KCNIP4: variants seen among roughly 807,000 people sequenced by gnomAD.
KCNIP4 encodes the protein potassium voltage-gated channel interacting protein 4.
Under a neutral mutation model 34.0 loss-of-function variants are expected in KCNIP4, and 12 were observed. The ratio of observed to expected loss-of-function variants is 0.35; its 90% confidence interval spans 0.23 to 0.57. The LOEUF (loss-of-function observed/expected upper bound fraction) is 0.57. Among genes scored for constraint, KCNIP4 ranks in the 20% least tolerant of loss-of-function variants. KCNIP4 has a pLI of 0.83. For missense variants in KCNIP4, 238 were observed against 311.7 expected, an observed-to-expected ratio of 0.76 and a Z score of 1.78; for synonymous variants, 124 against 102.2, an observed-to-expected ratio of 1.21 and a Z score of -1.29.
chr4:21,088,934 A>T (rs1746722831), intron 1 of KCNIP4, among the ~76,000 whole-genome samples: 1 of 152,192 alleles, frequency 6.6e-6, no homozygotes, highest in African/African-American at 2.4e-5. Context: ...TACCCCAATC[A>T]GTGCCTAGAA....
intron 1 of KCNIP4, among the ~76,000 whole-genome samples, chr4:21,128,662 G>A (rs922438735): frequency 2.6e-5 from 4 of 152,178 alleles, no homozygotes; most frequent in African/African-American, 9.7e-5. Context: ...AGAATACAGA[G>A]CTATTTGTAC....
chr4:20,942,796 T>A (rs1465619595), intron 1 of KCNIP4, among the ~76,000 whole-genome samples: 1 of 151,998 alleles, frequency 6.6e-6, no homozygotes, highest in African/African-American at 2.4e-5. Flanking sequence ...CTCAGCCTCC[T>A]GAGTAGCTGG....
intron 3 of KCNIP4, among the ~76,000 whole-genome samples, chr4:20,787,342 T>A (rs1408573071): frequency 6.6e-6 from 1 of 152,202 alleles, no homozygotes; most frequent in Non-Finnish European, 1.5e-5. Flanking sequence ...GAAAATAGTT[T>A]ATTTGAGCAC....
intron 1 of KCNIP4, among the ~76,000 whole-genome samples, chr4:21,000,434 C>G (rs1238092982): frequency 6.6e-6 from 1 of 151,944 alleles, no homozygotes; most frequent in African/African-American, 2.4e-5. Context: ...CCTGTAATCC[C>G]AACATTTTGG....
intron 1 of KCNIP4, among the ~76,000 whole-genome samples, chr4:21,109,879 T>C (rs1749002637): frequency 6.6e-6 from 1 of 152,058 alleles, no homozygotes; most frequent in African/African-American, 2.4e-5. Context: ...AAACTACTCT[T>C]TCCTAAAGTA....
At chr4:21,549,522 T>C (rs1738392169) in intron 1 of KCNIP4, among the ~76,000 whole-genome samples, 2 of 152,020 alleles carry the variant, frequency 1.3e-5, no homozygotes, top group Admixed American at 1.3e-4. Flanking sequence ...TTGCTTTAAA[T>C]AAAAGCTTCC....
chr4:21,293,944 T>C (rs1157107601), intron 1 of KCNIP4, among the ~76,000 whole-genome samples: 2 of 152,134 alleles, frequency 1.3e-5, no homozygotes, highest in East Asian at 3.9e-4. Context: ...TTGAGAGCCT[T>C]TGTTCTCCAG....
At chr4:20,914,234 C>T (rs376299759) in intron 1 of KCNIP4, among the ~76,000 whole-genome samples, 1 of 152,004 alleles carries the variant, frequency 6.6e-6, no homozygotes, top group South Asian at 2.1e-4. Context: ...ACCATTAAAG[C>T]AATTGTTTTA....
intron 1 of KCNIP4, among the ~76,000 whole-genome samples, chr4:21,412,827 C>T (rs936916313): frequency 2.0e-5 from 3 of 152,142 alleles, no homozygotes; most frequent in Non-Finnish European, 2.9e-5. Context: ...TGACTTTTCT[C>T]CATTATTCCC....
intron 1 of KCNIP4, among the ~76,000 whole-genome samples, chr4:21,549,147 T>A (rs920354487): frequency 1.3e-5 from 2 of 151,976 alleles, no homozygotes; most frequent in African/African-American, 2.4e-5. Flanking sequence ...CTTCTTCCAA[T>A]AATAGATGCT....
intron 1 of KCNIP4, among the ~76,000 whole-genome samples, chr4:21,543,902 T>C (rs1244108322): frequency 1.3e-5 from 2 of 152,136 alleles, no homozygotes; most frequent in Non-Finnish European, 2.9e-5. Flanking sequence ...TTAAATATAC[T>C]CTTAAATTGG....
intron 1 of KCNIP4, among the ~76,000 whole-genome samples, chr4:21,817,535 C>T (rs1447586297): frequency 6.6e-6 from 1 of 152,130 alleles, no homozygotes; most frequent in Non-Finnish European, 1.5e-5. Context: ...CCATATTTTT[C>T]TTCTTGCAGA....
intron 1 of KCNIP4, among the ~76,000 whole-genome samples, chr4:21,888,549 A>T (rs1726916428): frequency 6.6e-6 from 1 of 152,134 alleles, no homozygotes; most frequent in Admixed American, 6.6e-5. Flanking sequence ...AAAGACTAGG[A>T]CACATAAGGG....
intron 1 of KCNIP4, among the ~76,000 whole-genome samples, chr4:21,440,536 A>G (rs1004881051): frequency 1.4e-4 from 21 of 152,242 alleles, no homozygotes; most frequent in African/African-American, 2.4e-4. Context: ...AAATCAGCCT[A>G]GTAATTTTCC....
intron 3 of KCNIP4, among the ~76,000 whole-genome samples, chr4:20,799,020 G>A (rs955621799): frequency 3.3e-5 from 5 of 152,166 alleles, no homozygotes; most frequent in Non-Finnish European, 7.4e-5. Flanking sequence ...TCCTGCTCTG[G>A]GGGTGAAACC....
At chr4:21,015,149 G>T (rs1356265952) in intron 1 of KCNIP4, among the ~76,000 whole-genome samples, 1 of 151,654 alleles carries the variant, frequency 6.6e-6, no homozygotes, top group Admixed American at 6.6e-5. Flanking sequence ...GAGAATCAGT[G>T]TTTAATGGGT....
At chr4:21,786,267 C>T (rs1719906895) in intron 1 of KCNIP4, among the ~76,000 whole-genome samples, 1 of 151,940 alleles carries the variant, frequency 6.6e-6, no homozygotes, top group African/African-American at 2.4e-5. Flanking sequence ...TAAATATATA[C>T]CTAGAATTGA....
intron 1 of KCNIP4, among the ~76,000 whole-genome samples, chr4:21,671,287 C>T (rs1329690112): frequency 6.6e-6 from 1 of 152,078 alleles, no homozygotes; most frequent in South Asian, 2.1e-4. Flanking sequence ...TCAAATGTAG[C>T]CAGCCACATT....
At chr4:20,870,208 G>T (rs1268356838) in intron 2 of KCNIP4, among the ~76,000 whole-genome samples, 1 of 152,028 alleles carries the variant, frequency 6.6e-6, no homozygotes, top group Non-Finnish European at 1.5e-5. Context: ...GGAGGCACCT[G>T]GTGGGAGGTG....
Sources: allele counts gnomAD v4.1 joint callset (sites outside exome capture counted in the v4.1 genomes callset), GRCh38; gene constraint gnomAD v4.1.1; transcripts MANE v1.5; gene names NCBI Gene and HGNC (gene_info 2026-07-23, HGNC 2026-07-21).